The following BCL9 variants were observed in gnomAD, a reference collection of about 807,000 sequenced individuals.
BCL9 encodes B-cell CLL/lymphoma 9 protein.
In BCL9, 25 loss-of-function variants were observed where a neutral mutation model predicts 88.5. The observed-to-expected ratio is 0.28, with a 90% CI of 0.21 to 0.39. The LOEUF (loss-of-function observed/expected upper bound fraction) is 0.39. Among genes scored for constraint, BCL9 ranks in the 10% least tolerant of loss-of-function variants. BCL9 has a pLI of 1.00. For synonymous variants in BCL9, 711 were observed against 673.3 expected (o/e 1.06, Z -0.87); for missense variants, 1,817 against 1,877.8 (o/e 0.97, Z 0.60).
Position 147,562,261 on chromosome 1 carries a change from A to G in BCL9, c.-478+20587A>G, listed in dbSNP as rs587755136. On this transcript the variant is annotated intron_variant, in intron 1 of 9. Transcript: ENST00000234739. ...GGAGACTCGCTTGAACTCAGGAGGC[A>G]GAGATTGCGGTGAGCTGAGATCTCA... 2.0e-5 allele frequency among the ~76,000 whole-genome samples: 3 copies of G among 152,258 alleles called. No individual in the cohort carries two copies. In the East Asian group the frequency reaches 5.8e-4, roughly 29 times the overall value.
chr1:147,581,402 T>G (rs1232180997), intron 1 of BCL9, among the ~76,000 whole-genome samples: 3 of 152,210 alleles, frequency 2.0e-5, no homozygotes, highest in African/African-American at 7.2e-5. Flanking sequence ...TTCCTGTCAC[T>G]CTCAGCTTCT....
intron 7 of BCL9, among the ~76,000 whole-genome samples, chr1:147,616,117 G>A (rs1257823566): frequency 3.3e-5 from 5 of 152,140 alleles, no homozygotes; most frequent in Non-Finnish European, 7.4e-5. Context: ...TTACTAGGGG[G>A]AAGAAGATGC....
rs67428703 is a variant in BCL9, at chr1:147,577,834, A to ATGTGTGTGTGTGTG, written c.-477-26919_-477-26906dup. Reference sequence around the variant, plus strand: ...CAGTGCTTCTAAAGTTTTTCTACCAATGTGTGTGTGTGTGTGTGTGTGTGT... The same window carrying ATGTGTGTGTGTGTG: ...CAGTGCTTCTAAAGTTTTTCTACCAATGTGTGTGTGTGTGTGTGTGTGTGTGTGTGTGTGTGTGT... On this transcript the variant is annotated intron_variant, in intron 1 of 9. Coordinates refer to ENST00000234739, the MANE Select transcript of BCL9 (RefSeq NM_004326.4). Among the ~76,000 whole-genome samples the ATGTGTGTGTGTGTG allele has an allele frequency of 8.0e-3, 1,132 of 141,108 alleles. 28 individuals carry two copies. The East Asian group carries it at 0.086, about 11-fold the overall frequency. The allele number at this position is 141,108 out of a possible 152,430, so 92.6% of individuals were successfully genotyped here. A position where few individuals can be genotyped will look rare whatever the true frequency, so the allele number is the denominator to read the frequency against.
At chr1:147,543,615 G>T (rs1654428664) in intron 1 of BCL9, among the ~76,000 whole-genome samples, 1 of 152,146 alleles carries the variant, frequency 6.6e-6, no homozygotes, top group Non-Finnish European at 1.5e-5. Context: ...TCTTACCATG[G>T]TTGTTCCTGA....
Position 147,619,099 on chromosome 1 carries a change from C to T in BCL9, c.944C>T (p.Thr315Ile), listed in dbSNP as rs1658455501. The change falls in exon 8 of 10, where the codon ACC (threonine) becomes ATC (isoleucine). Residue 315 changes from threonine to isoleucine, a missense_variant. Around this residue, in one of 2 missense-constraint regions of BCL9, gnomAD observed 1,228 missense variants for 1,191.6 expected, o/e 1.03. Transcript: ENST00000234739. This position sits in a 1 kb window ranked among gnomAD's most constrained non-coding sequence, Gnocchi z 4.1. ...PNSTPNNRAV[T>I]PVSQGSNSSS... ...TCAACTCCCAACAATAGGGCAGTGA[C>T]CCCTGTCTCCCAGGGGAGCAATAGC... 1.2e-6 allele frequency: 2 copies of T among 1,613,816 alleles called. No homozygotes were observed. The highest frequency in any genetic ancestry group is 1.1e-5 in the South Asian group (1 of 91,010).
intron 1 of BCL9, among the ~76,000 whole-genome samples, chr1:147,552,475 G>A (rs182018469): frequency 6.6e-5 from 10 of 152,174 alleles, no homozygotes; most frequent in Non-Finnish European, 7.4e-5. Context: ...GCGTGGTGGC[G>A]CATGCCTGTA....
intron 1 of BCL9, among the ~76,000 whole-genome samples, chr1:147,565,830 A>G (rs1655570846): frequency 6.6e-6 from 1 of 152,170 alleles, no homozygotes; most frequent in African/African-American, 2.4e-5. Context: ...GATATTTGAC[A>G]TAGCTCTTGG....
At chr1:147,592,800 T>C (rs1656901355) in intron 1 of BCL9, among the ~76,000 whole-genome samples, 1 of 152,192 alleles carries the variant, frequency 6.6e-6, no homozygotes, top group Non-Finnish European at 1.5e-5. Flanking sequence ...CTAGGCACTA[T>C]TCCTACATGT....
At chr1:147,611,954 C>G in intron 4 of BCL9, 65 bp downstream of exon 4, 1 of 1,468,364 alleles carries the variant, frequency 6.8e-7, no homozygotes, top group Non-Finnish European at 9.5e-7. Context: ...ATCATGAACA[C>G]TCATTGGTGA....
rs587681712 is a variant in BCL9, at chr1:147,574,926, A to G, written c.-477-29851A>G. 6.6e-5 allele frequency among the ~76,000 whole-genome samples: 10 copies of G among 152,230 alleles called. No homozygotes were observed. In the South Asian group the frequency reaches 1.9e-3, roughly 29 times the overall value. The stretch of plus-strand genomic sequence containing the variant: ...AGAGGATGAGCCCTTGGTCTACTCC[A>G]CACTTTGACTCCCATGTAGCAAGTA... On this transcript the variant is annotated intron_variant, in intron 1 of 9. Coordinates refer to ENST00000234739, the MANE Select transcript of BCL9 (RefSeq NM_004326.4).
intron 3 of BCL9, among the ~76,000 whole-genome samples, chr1:147,607,153 A>AG (rs1424450118): frequency 1.4e-4 from 22 of 152,234 alleles, no homozygotes; most frequent in African/African-American, 4.8e-4. Flanking sequence ...ACATTGTTGC[A>AG]GATGACAGGA....
chr1:147,581,331 C>T (rs1656361569), intron 1 of BCL9, among the ~76,000 whole-genome samples: 1 of 152,122 alleles, frequency 6.6e-6, no homozygotes, highest in South Asian at 2.1e-4. Context: ...CTAGACCAAA[C>T]TGTGAAATAG....
intron 9 of BCL9, 111 bp from the exon 10 acceptor site, chr1:147,623,731 A>C: frequency 8.0e-7 from 1 of 1,245,416 alleles, no homozygotes; most frequent in Non-Finnish European, 1.1e-6. Context: ...ATGTTTTCCC[A>C]GCATTATACT....
chr1:147,575,910 A>G (rs2101539294), intron 1 of BCL9, among the ~76,000 whole-genome samples: 1 of 152,334 alleles, frequency 6.6e-6, no homozygotes, highest in African/African-American at 2.4e-5. Flanking sequence ...TAACACTTTC[A>G]GAATCTGTAT....
intron 1 of BCL9, among the ~76,000 whole-genome samples, chr1:147,601,895 A>G (rs1657409708): frequency 6.6e-6 from 1 of 151,702 alleles, no homozygotes; most frequent in Non-Finnish European, 1.5e-5. Flanking sequence ...TTTATTTATT[A>G]TTATTTTTAT....
rs1553205594 is a variant in BCL9, at chr1:147,622,480, G to A, written c.3112G>A (p.Asp1038Asn). 1 of 1,614,158 alleles carries A rather than the reference G, an allele frequency of 6.2e-7. No individual in the cohort carries two copies. The highest frequency in any genetic ancestry group is 8.5e-7 in the Non-Finnish European group (1 of 1,180,042). ...AIKTVASSDD[D>N]SPPARSPNLP... is the part of the protein sequence containing the mutation. Reference sequence around the variant, plus strand: ...CAAGACTGTGGCCAGCTCAGATGACGACTCCCCTCCAGCTCGTTCTCCCAA... The same window carrying A: ...CAAGACTGTGGCCAGCTCAGATGACAACTCCCCTCCAGCTCGTTCTCCCAA... The change falls in exon 9 of 10, where the codon GAC becomes AAC. Residue 1038 changes from aspartate to asparagine, a missense_variant. Around this residue, in one of 2 missense-constraint regions of BCL9, gnomAD observed 589 missense variants for 686.2 expected, o/e 0.86. Coordinates refer to ENST00000234739, the MANE Select transcript of BCL9 (RefSeq NM_004326.4).
intron 1 of BCL9, among the ~76,000 whole-genome samples, chr1:147,595,089 G>A (rs782246977): frequency 8.5e-5 from 13 of 152,170 alleles, no homozygotes; most frequent in Admixed American, 1.3e-4. Flanking sequence ...AAATGATAGC[G>A]GCAACAATGA....
In BCL9 at chr1:147,571,690, A is replaced by G. The variant is rs587713863; in HGVS notation, c.-478+30016A>G. The stretch of plus-strand genomic sequence containing the variant: ...CAGAGAGAGGAAATGGCCTCACAAC[A>G]AGGTGTGGTGGTAGGCAGCCCTCCA... On this transcript the variant is annotated intron_variant, in intron 1 of 9. Coordinates refer to ENST00000234739, the MANE Select transcript of BCL9 (RefSeq NM_004326.4). 2.0e-5 allele frequency among the ~76,000 whole-genome samples: 3 copies of G among 152,308 alleles called. No homozygotes were observed. In the East Asian group the frequency reaches 5.8e-4, roughly 29 times the overall value.
intron 1 of BCL9, among the ~76,000 whole-genome samples, chr1:147,598,740 C>A (rs943651704): frequency 3.3e-5 from 5 of 152,214 alleles, no homozygotes; most frequent in African/African-American, 1.2e-4. Flanking sequence ...GGGGTCAGTG[C>A]ACACAGTTGC....
Sources: allele counts gnomAD v4.1 joint callset (sites outside exome capture counted in the v4.1 genomes callset), GRCh38; gene constraint gnomAD v4.1.1; regional missense constraint gnomAD v4.1.1; non-coding constraint Gnocchi (gnomAD v3.1); transcripts MANE v1.5; gene names NCBI Gene and HGNC (gene_info 2026-07-23, HGNC 2026-07-21).